Variants in TAFA1 observed in about 807,000 individuals in gnomAD.
TAFA1 encodes chemokine-like protein TAFA-1.
Under a neutral mutation model 18.5 loss-of-function variants are expected in TAFA1, and 4 were observed. The ratio of observed to expected loss-of-function variants is 0.22; its 90% CI spans 0.11 to 0.49. The LOEUF is 0.49. Among genes scored for constraint, TAFA1 ranks in the 20% least tolerant of loss-of-function variants. The pLI is 0.98. For synonymous variants in TAFA1, 56 were observed against 55.2 expected, an observed-to-expected ratio of 1.01 and a Z score of -0.06; for missense variants, 147 against 169.0, an observed-to-expected ratio of 0.87 and a Z score of 0.72.
intron 3 of TAFA1, among the ~76,000 whole-genome samples, chr3:68,520,402 A>G (rs1361212695): frequency 6.6e-6 from 1 of 152,154 alleles, no homozygotes; most frequent in Non-Finnish European, 1.5e-5. Context: ...GCTGATGTTC[A>G]GTTTTCTCCC....
chr3:68,067,225 A>G (rs1023978350), intron 2 of TAFA1, among the ~76,000 whole-genome samples: 2 of 152,116 alleles, frequency 1.3e-5, no homozygotes, highest in African/African-American at 2.4e-5. Flanking sequence ...TGGCTATCCT[A>G]AATATGCCTA....
chr3:68,427,828 G>T (rs763190985), intron 3 of TAFA1, among the ~76,000 whole-genome samples: 1 of 151,880 alleles, frequency 6.6e-6, no homozygotes, highest in Non-Finnish European at 1.5e-5. Context: ...TGCTGTTCTT[G>T]TGATAGTGAA....
At chr3:68,203,137 G>A (rs1325166363) in intron 2 of TAFA1, among the ~76,000 whole-genome samples, 2 of 151,382 alleles carry the variant, frequency 1.3e-5, no homozygotes, top group East Asian at 1.9e-4. Flanking sequence ...TTTTTTGCTT[G>A]TGTAGTTTCT....
intron 2 of TAFA1, among the ~76,000 whole-genome samples, chr3:68,103,659 G>T (rs76755312): frequency 1.3e-5 from 2 of 152,020 alleles, no homozygotes; most frequent in African/African-American, 2.4e-5. Flanking sequence ...GCTTTAGCAC[G>T]CTAATTGTCA....
At position 68,190,365 on chromosome 3, in the gene TAFA1, G is replaced by A. The variant is rs144899076; in HGVS notation, c.118+183621G>A. Among the ~76,000 whole-genome samples, 12 of 151,938 alleles carry A rather than the reference G, an allele frequency of 7.9e-5. No homozygotes were observed. The East Asian group carries it at 2.1e-3, about 27-fold the overall frequency. On this transcript the variant is annotated intron_variant, in intron 2 of 4. Transcript: ENST00000478136. Reference sequence around the variant, plus strand: ...CATGTCACTGGGAACACATTTTTAAGTGTTTCTTGAAAATGGTTCCACACA... The same window carrying A: ...CATGTCACTGGGAACACATTTTTAAATGTTTCTTGAAAATGGTTCCACACA...
intron 3 of TAFA1, among the ~76,000 whole-genome samples, chr3:68,533,729 T>A (rs1575958279): frequency 6.6e-6 from 1 of 152,266 alleles, no homozygotes; most frequent in South Asian, 2.1e-4. Context: ...AAGCTGTTAA[T>A]TTACATTGTC....
intron 2 of TAFA1, among the ~76,000 whole-genome samples, chr3:68,228,071 C>T (rs906123148): frequency 4.6e-5 from 7 of 151,992 alleles, no homozygotes; most frequent in Admixed American, 3.3e-4. Flanking sequence ...CAGGCTGTTT[C>T]GGCAGATGCA....
rs555947332 is a variant in TAFA1, at chr3:68,025,733, G to C, written c.118+18989G>C. 4.6e-5 allele frequency among the ~76,000 whole-genome samples: 7 copies of C among 152,198 alleles called. No homozygotes were observed. In the South Asian group the frequency reaches 1.5e-3, roughly 32 times the overall value. Reference sequence around the variant, plus strand: ...GGAATGCTCTTCCCCAGATGTCTACGTGATATACGTTCTCCCTGCTCCAAG... The same window carrying C: ...GGAATGCTCTTCCCCAGATGTCTACCTGATATACGTTCTCCCTGCTCCAAG... On this transcript the variant is annotated intron_variant, in intron 2 of 4. Transcript: ENST00000478136.
intron 2 of TAFA1, among the ~76,000 whole-genome samples, chr3:68,322,553 C>T (rs917394504): frequency 1.3e-5 from 2 of 152,148 alleles, no homozygotes; most frequent in Non-Finnish European, 2.9e-5. Context: ...TCTCTGTGGC[C>T]AGGCACAGTG....
At chr3:68,403,068 G>A (rs894637560) in intron 2 of TAFA1, among the ~76,000 whole-genome samples, 1 of 152,112 alleles carries the variant, frequency 6.6e-6, no homozygotes, top group Non-Finnish European at 1.5e-5. Context: ...AGATACACAA[G>A]TACTTATTAT....
At chr3:68,310,297 G>A (rs1308551326) in intron 2 of TAFA1, among the ~76,000 whole-genome samples, 2 of 152,068 alleles carry the variant, frequency 1.3e-5, no homozygotes, top group Non-Finnish European at 2.9e-5. Context: ...AGAAGCAAAG[G>A]TCTCGGCTTC....
At chr3:68,193,562 T>C (rs1039742273) in intron 2 of TAFA1, among the ~76,000 whole-genome samples, 1 of 151,840 alleles carries the variant, frequency 6.6e-6, no homozygotes, top group Admixed American at 6.6e-5. Context: ...GAACACAGTT[T>C]TGTTTGTTAA....
At chr3:68,100,858 C>T (rs565562837) in intron 2 of TAFA1, among the ~76,000 whole-genome samples, 7 of 152,024 alleles carry the variant, frequency 4.6e-5, no homozygotes, top group African/African-American at 9.7e-5. Flanking sequence ...CAAGACAAAA[C>T]GTGATATAGC....
At chr3:68,465,034 C>T (rs959174171) in intron 3 of TAFA1, among the ~76,000 whole-genome samples, 2 of 152,184 alleles carry the variant, frequency 1.3e-5, no homozygotes, top group East Asian at 1.9e-4. Flanking sequence ...CTAAACCGTA[C>T]AAAATAATTC....
At chr3:68,059,061 A>C (rs75742735) in intron 2 of TAFA1, among the ~76,000 whole-genome samples, 1,821 of 152,312 alleles carry the variant, frequency 0.012, 38 homozygotes, top group African/African-American at 0.04. Context: ...ATATCAAAGC[A>C]CTTCTTTACT....
rs2065685225 is a variant in TAFA1 at position 68,142,814 on chromosome 3, T to C, written c.118+136070T>C. 2.0e-5 allele frequency among the ~76,000 whole-genome samples: 3 copies of C among 152,296 alleles called. No individual in the cohort carries two copies. The South Asian group carries it at 6.2e-4, about 32-fold the overall frequency. On this transcript the variant is annotated intron_variant, in intron 2 of 4. Transcript: ENST00000478136. ...CATTTCCATGGAGCAGACCGGTGCA[T>C]AATTAAACAGGGTTGCCCTTCTGGA... is the stretch of plus-strand genomic sequence containing the variant.
intron 2 of TAFA1, chr3:68,145,025 G>A: frequency 6.2e-6 from 10 of 1,600,060 alleles, no homozygotes; most frequent in Non-Finnish European, 8.6e-6. Context: ...GGTGATGGCA[G>A]AAAGCGCCTT....
At chr3:68,026,945 G>T (rs953438202) in intron 2 of TAFA1, among the ~76,000 whole-genome samples, 1 of 152,146 alleles carries the variant, frequency 6.6e-6, no homozygotes, top group Non-Finnish European at 1.5e-5. Context: ...GCCCCAGGAA[G>T]CTTCCAATCA....
chr3:68,192,137 C>A (rs2066349352), intron 2 of TAFA1, among the ~76,000 whole-genome samples: 1 of 151,816 alleles, frequency 6.6e-6, no homozygotes, highest in South Asian at 2.1e-4. Context: ...CAACTATTTA[C>A]TGAGTAACTA....
Sources: gnomAD v4.1 joint callset for allele counts (sites outside exome capture counted in the v4.1 genomes callset) on GRCh38, gnomAD v4.1.1 for gene constraint, MANE v1.5 for transcripts, NCBI Gene and HGNC (gene_info 2026-07-23, HGNC 2026-07-21) for gene names.